CCDC150: variants seen among roughly 807,000 people sequenced by gnomAD.
CCDC150 encodes the protein coiled-coil domain containing 150.
A neutral mutation model predicts 156.5 loss-of-function variants in CCDC150; 151 were observed. The ratio of observed to expected loss-of-function variants is 0.97; its 90% CI spans 0.85 to 1.10. CCDC150 has a LOEUF of 1.10. Among genes scored for constraint, CCDC150 ranks in the 50% least tolerant of loss-of-function variants. The pLI is 0.00. For missense variants in CCDC150, 1,312 were observed against 1,268.1 expected, an observed-to-expected ratio of 1.03 and a Z score of -0.53; for synonymous variants, 452 against 429.4, an observed-to-expected ratio of 1.05 and a Z score of -0.65.
chr2:196,649,497 G>A (rs1004505905), intron 2 of CCDC150, among the ~76,000 whole-genome samples: 4 of 152,142 alleles, frequency 2.6e-5, no homozygotes, highest in Non-Finnish European at 2.9e-5. Context: ...TGGTAACATG[G>A]TATACCGGTT....
intron 13 of CCDC150, among the ~76,000 whole-genome samples, chr2:196,692,512 C>G (rs758759837): frequency 2.2e-4 from 33 of 152,192 alleles, no homozygotes; most frequent in Non-Finnish European, 4.6e-4. Context: ...CCCAGAGATT[C>G]AGGTATGTTA....
At chr2:196,688,228 C>A (rs1695229775) in intron 13 of CCDC150, among the ~76,000 whole-genome samples, 1 of 152,172 alleles carries the variant, frequency 6.6e-6, no homozygotes, top group Non-Finnish European at 1.5e-5. Flanking sequence ...TTCTTCTTAT[C>A]CATGAGCATG....
At chr2:196,679,566 T>A (rs1181982426) in intron 13 of CCDC150, among the ~76,000 whole-genome samples, 1 of 152,236 alleles carries the variant, frequency 6.6e-6, no homozygotes, top group Non-Finnish European at 1.5e-5. Context: ...TTTCCTGATT[T>A]TGGCAGTTAA....
chr2:196,683,571 G>A (rs1278276285), intron 13 of CCDC150, among the ~76,000 whole-genome samples: 1 of 152,074 alleles, frequency 6.6e-6, no homozygotes, highest in East Asian at 1.9e-4. Context: ...GGAAGAGTTT[G>A]TGAGGGATTG....
intron 13 of CCDC150, among the ~76,000 whole-genome samples, chr2:196,683,076 A>C (rs1694936714): frequency 6.6e-6 from 1 of 152,050 alleles, no homozygotes; most frequent in Admixed American, 6.6e-5. Flanking sequence ...TGGTGAGAGC[A>C]GACATCTCTG....
chr2:196,720,783 C>A, intron 20 of CCDC150, 115 bp downstream of exon 20: 2 of 936,000 alleles, frequency 2.1e-6, no homozygotes, highest in Non-Finnish European at 3.2e-6. Context: ...TCAATCAAGT[C>A]TGAGTTTTGG....
intron 13 of CCDC150, among the ~76,000 whole-genome samples, chr2:196,689,419 A>T (rs1054674099): frequency 2.7e-5 from 4 of 150,056 alleles, no homozygotes; most frequent in Non-Finnish European, 6.0e-5. Flanking sequence ...CTTTTATTTC[A>T]TTGAGCAGTG....
chr2:196,656,741 G>GA lies in CCDC150; in HGVS notation c.287dup (p.Asn96LysfsTer3), dbSNP rs769826586. The GA allele has an allele frequency of 2.0e-5, 32 of 1,613,708 alleles. No homozygotes were observed. In the African/African-American group the frequency reaches 2.8e-4, roughly 14 times the overall value. The stretch of plus-strand genomic sequence containing the variant: ...CAGGAAAAACAGATATTTTATGGAA[G>GA]AACTGTGAGTTTCTGGTAAATCGAA... On this transcript the variant is annotated frameshift_variant, in exon 3 of 28. Coordinates refer to ENST00000389175, the MANE Select transcript of CCDC150 (RefSeq NM_001080539.2). LOFTEE classifies it high-confidence loss of function.
intron 21 of CCDC150, among the ~76,000 whole-genome samples, chr2:196,724,188 CTA>C (rs1247273314): frequency 6.6e-6 from 1 of 152,056 alleles, no homozygotes; most frequent in Non-Finnish European, 1.5e-5. Flanking sequence ...TAGAGATCTG[CTA>C]TATAACATAG....
At chr2:196,661,078 T>C (rs964278054) in intron 5 of CCDC150, among the ~76,000 whole-genome samples, 2 of 152,208 alleles carry the variant, frequency 1.3e-5, no homozygotes, top group Non-Finnish European at 2.9e-5. Context: ...TGGATTGCCA[T>C]TTAACATTAT....
At chr2:196,724,804 T>G (rs1698118953) in intron 21 of CCDC150, among the ~76,000 whole-genome samples, 1 of 152,150 alleles carries the variant, frequency 6.6e-6, no homozygotes, top group Non-Finnish European at 1.5e-5. Flanking sequence ...CTCCATGAAT[T>G]TTTTGCTCAT....
intron 15 of CCDC150, among the ~76,000 whole-genome samples, chr2:196,705,053 T>G (rs1243138895): frequency 6.6e-6 from 1 of 152,236 alleles, no homozygotes; most frequent in Non-Finnish European, 1.5e-5. Flanking sequence ...TTTATAATCC[T>G]TTGGGTATAT....
intron 16 of CCDC150, chr2:196,712,464 C>CCT (rs1697194646): frequency 5.2e-6 from 3 of 578,006 alleles, no homozygotes; most frequent in Non-Finnish European, 9.3e-6. Context: ...AGGATTGAGA[C>CCT]ATTCAACTTG....
In CCDC150 at chr2:196,658,794, G is replaced by T. The variant is rs1378092826; in HGVS notation, c.579G>T (p.Lys193Asn). 2 of 1,598,040 alleles carry T rather than the reference G, an allele frequency of 1.3e-6. No individual in the cohort carries two copies. The highest frequency in any genetic ancestry group is 1.7e-6 in the Non-Finnish European group (2 of 1,170,150). ...ATCTTTTCTCCTTCTACTTTTAGAA[G>T]AATGCAGCCATTATTGAAGAGGAAC... ...ATLKIASQTK[K>N]NAAIIEEELK... The change falls in exon 5 of 28, where the codon AAG becomes AAT. Residue 193 changes from lysine (K) to asparagine (N), a missense_variant and splice_region_variant. By Grantham distance (94) the Lys-to-Asn change is moderately conservative. Coordinates refer to ENST00000389175, the MANE Select transcript of CCDC150 (RefSeq NM_001080539.2).
At chr2:196,644,183 A>G (rs1692399812) in intron 1 of CCDC150, among the ~76,000 whole-genome samples, 1 of 152,062 alleles carries the variant, frequency 6.6e-6, no homozygotes, top group Non-Finnish European at 1.5e-5. Context: ...AGAATATATC[A>G]CATGAGTGTG....
intron 18 of CCDC150, chr2:196,719,252 C>T (rs996382750): frequency 3.0e-6 from 1 of 329,352 alleles, no homozygotes. Flanking sequence ...AATGTGTATG[C>T]TGTAACATGA....
At chr2:196,646,244 A>G in intron 1 of CCDC150, 97 bp from the exon 2 acceptor site, 1 of 1,138,068 alleles carries the variant, frequency 8.8e-7, no homozygotes, top group Non-Finnish European at 1.3e-6. Flanking sequence ...CCTGAGTTCA[A>G]CAGGACAGTG....
intron 17 of CCDC150, among the ~76,000 whole-genome samples, chr2:196,717,654 G>T (rs187963513): frequency 7.1e-4 from 108 of 152,298 alleles, no homozygotes; most frequent in Middle Eastern, 3.4e-3. Context: ...CACTTTGGGA[G>T]GCCGAGGTGA....
chr2:196,642,451 G>A (rs1286326918), intron 1 of CCDC150, among the ~76,000 whole-genome samples: 1 of 152,218 alleles, frequency 6.6e-6, no homozygotes, highest in Non-Finnish European at 1.5e-5. Context: ...ATGAGCAACT[G>A]CAGTGAAAAT....
Sources: allele counts gnomAD v4.1 joint callset (sites outside exome capture counted in the v4.1 genomes callset), GRCh38; gene constraint gnomAD v4.1.1; transcripts MANE v1.5; gene names NCBI Gene and HGNC (gene_info 2026-07-23, HGNC 2026-07-21).